CRYM: variants seen among roughly 807,000 people sequenced by gnomAD.
CRYM encodes the protein ketimine reductase mu-crystallin.
Under a neutral mutation model 32.9 loss-of-function variants are expected in CRYM, and 18 were observed. The ratio of observed to expected loss-of-function variants is 0.55; its 90% CI spans 0.38 to 0.81. The LOEUF is 0.81. Among genes scored for constraint, CRYM ranks in the 30% least tolerant of loss-of-function variants. CRYM has a pLI of 0.00. For synonymous variants in CRYM, 153 were observed against 152.4 expected (o/e 1.00, Z -0.03); for missense variants, 337 against 393.5 (o/e 0.86, Z 1.21).
intron 1 of CRYM, chr16:21,284,079 G>C (rs2087373621): frequency 6.6e-6 from 1 of 152,082 alleles, no homozygotes; most frequent in Admixed American, 6.5e-5. Flanking sequence ...GGCGCGCGGA[G>C]CTCGAAAGCG....
intron 4 of CRYM, among the ~76,000 whole-genome samples, chr16:21,268,301 A>C (rs2093368235): frequency 6.6e-6 from 1 of 152,216 alleles, no homozygotes; most frequent in South Asian, 2.1e-4. Context: ...TCGGTGAAGA[A>C]TACTTAGGAA....
At chr16:21,260,080 C>A (rs2093351483) in intron 7 of CRYM, among the ~76,000 whole-genome samples, 1 of 152,152 alleles carries the variant, frequency 6.6e-6, no homozygotes, top group Non-Finnish European at 1.5e-5. Context: ...AAGACATTTA[C>A]CAACCTGCAA....
chr16:21,293,028 A>AAGATAGATAGATAGAT (rs3029354), intron 1 of CRYM, among the ~76,000 whole-genome samples: 1,899 of 150,452 alleles, frequency 0.013, 40 homozygotes, highest in East Asian at 0.045. Flanking sequence ...AAGTAGATAG[A>AAGATAGATAGATAGAT]AGATAGATAG....
chr16:21,280,304 C>T (rs771258611), upstream of CRYM, among the ~76,000 whole-genome samples: 7 of 152,026 alleles, frequency 4.6e-5, no homozygotes, highest in African/African-American at 1.2e-4. Context: ...TGCTGGAACC[C>T]GGGAGATGGA....
intron 5 of CRYM, among the ~76,000 whole-genome samples, chr16:21,265,224 G>A (rs1320027127): frequency 1.3e-5 from 2 of 152,082 alleles, no homozygotes; most frequent in African/African-American, 4.8e-5. Flanking sequence ...CTGACCACCA[G>A]TCCCATGCAG....
chr16:21,296,197 C>T (rs2152865688), intron 1 of CRYM, among the ~76,000 whole-genome samples: 1 of 152,324 alleles, frequency 6.6e-6, no homozygotes, highest in South Asian at 2.1e-4. Flanking sequence ...CTTGGCCTCC[C>T]AAAGTGTTGG....
At chr16:21,281,105 TCTCA>T (rs925623814), upstream of CRYM, among the ~76,000 whole-genome samples, 47 of 130,282 alleles carry the variant, frequency 3.6e-4, no homozygotes, top group African/African-American at 1.2e-3. Context: ...TCTCTCTCTC[TCTCA>T]CTCTCTCTCT....
intron 1 of CRYM, among the ~76,000 whole-genome samples, chr16:21,288,003 T>C (rs1273128341): frequency 6.6e-6 from 1 of 152,212 alleles, no homozygotes; most frequent in African/African-American, 2.4e-5. Context: ...ATTGGTTCTT[T>C]AACCCATGGA....
intron 1 of CRYM, among the ~76,000 whole-genome samples, chr16:21,302,740 C>G (rs927638427): frequency 6.6e-6 from 1 of 152,226 alleles, no homozygotes; most frequent in African/African-American, 2.4e-5. Context: ...GGGGGACCGT[C>G]TTCCTTGATG....
intron 5 of CRYM, among the ~76,000 whole-genome samples, chr16:21,267,053 T>C (rs952294207): frequency 2.0e-5 from 3 of 152,128 alleles, no homozygotes; most frequent in Non-Finnish European, 4.4e-5. Flanking sequence ...AAATATTCTT[T>C]AGTTTCAGGT....
At chr16:21,294,852 G>A (rs566605518) in intron 1 of CRYM, among the ~76,000 whole-genome samples, 15 of 151,620 alleles carry the variant, frequency 9.9e-5, no homozygotes, top group Non-Finnish European at 1.3e-4. Flanking sequence ...ACACCACCAC[G>A]CCCAGCTAAT....
intron 1 of CRYM, among the ~76,000 whole-genome samples, chr16:21,299,720 G>A (rs1243301101): frequency 6.6e-6 from 1 of 152,156 alleles, no homozygotes; most frequent in Non-Finnish European, 1.5e-5. Flanking sequence ...AGTTCATGAG[G>A]AATAAATCTG....
At chr16:21,299,015 G>C (rs1202317481) in intron 1 of CRYM, among the ~76,000 whole-genome samples, 1 of 152,194 alleles carries the variant, frequency 6.6e-6, no homozygotes, top group East Asian at 1.9e-4. Context: ...TACTCCACCA[G>C]TGGATCATTA....
At chr16:21,301,956 C>G (rs1257937193) in intron 1 of CRYM, among the ~76,000 whole-genome samples, 2 of 152,194 alleles carry the variant, frequency 1.3e-5, no homozygotes, top group South Asian at 2.1e-4. Flanking sequence ...AGCTGCTCCC[C>G]GACGCCCGGG....
In CRYM at chr16:21,277,428, C is replaced by T. The variant is rs2093388885; in HGVS notation, c.324+3G>A. On this transcript the variant is annotated splice_donor_region_variant and intron_variant, in intron 2 of 7. Transcript: ENST00000572914. The surrounding 1 kb of genome is among the most constrained non-coding windows in gnomAD (Gnocchi z 4.2). ...TTCCACCCCGGGACAGGAAGTTGCTCACCGCCAGCAGGGTGCCATTGCTGG... is the reference window on the plus strand; with the variant it reads ...TTCCACCCCGGGACAGGAAGTTGCTTACCGCCAGCAGGGTGCCATTGCTGG... 5 of 1,612,590 alleles carry T rather than the reference C, an allele frequency of 3.1e-6. No homozygotes were observed. Among genetic ancestry groups the T allele is most frequent in the Non-Finnish European group, 4.2e-6 (5 of 1,179,880 alleles).
intron 1 of CRYM, among the ~76,000 whole-genome samples, chr16:21,301,918 T>C (rs1381879394): frequency 1.3e-5 from 2 of 152,108 alleles, no homozygotes; most frequent in Admixed American, 6.5e-5. Context: ...GGCGCGTCCT[T>C]CTTCTGCCGG....
chr16:21,290,159 C>G (rs72782851), intron 1 of CRYM, among the ~76,000 whole-genome samples: 1 of 152,272 alleles, frequency 6.6e-6, no homozygotes, highest in Non-Finnish European at 1.5e-5. Flanking sequence ...AATGTCGGAT[C>G]CCCTTCCATG....
chr16:21,264,519 T>A (rs2152861602), intron 5 of CRYM, among the ~76,000 whole-genome samples: 1 of 152,116 alleles, frequency 6.6e-6, no homozygotes, highest in Non-Finnish European at 1.5e-5. Context: ...GAGGGAGGCA[T>A]GGGGCAGGGT....
intron 1 of CRYM, among the ~76,000 whole-genome samples, chr16:21,291,624 T>C (rs562909083): frequency 6.6e-6 from 1 of 152,288 alleles, no homozygotes; most frequent in African/African-American, 2.4e-5. Flanking sequence ...TTAATCTCAA[T>C]AGAGGGGAAA....
Sources: gnomAD v4.1 joint callset for allele counts (sites outside exome capture counted in the v4.1 genomes callset) on GRCh38, gnomAD v4.1.1 for gene constraint, Gnocchi (gnomAD v3.1) non-coding constraint, MANE v1.5 for transcripts, NCBI Gene and HGNC (gene_info 2026-07-23, HGNC 2026-07-21) for gene names.